The following TRPM3 variants were observed in gnomAD, a reference collection of about 807,000 sequenced individuals.
TRPM3 encodes transient receptor potential cation channel subfamily M member 3, also known as long transient receptor potential channel 3.
A neutral mutation model predicts 181.2 loss-of-function variants in TRPM3; 77 were observed. The ratio of observed to expected loss-of-function variants is 0.42; its 90% CI spans 0.35 to 0.51. The LOEUF (loss-of-function observed/expected upper bound fraction) is 0.51. Ranked by LOEUF, TRPM3 falls within the 20% of genes least tolerant of loss-of-function variation. TRPM3 has a pLI of 0.01. For synonymous variants in TRPM3, 745 were observed against 796.4 expected (o/e 0.94, Z 1.09); for missense variants, 1,759 against 2,196.7 (o/e 0.80, Z 3.98).
intron 9 of TRPM3, among the ~76,000 whole-genome samples, chr9:70,666,395 C>T (rs1302845588): frequency 6.6e-6 from 1 of 152,160 alleles, no homozygotes; most frequent in Non-Finnish European, 1.5e-5. Context: ...TTTCCTCTTT[C>T]ATTTTGGTAG....
chr9:70,558,364 T>C (rs1158510358), intron 22 of TRPM3, among the ~76,000 whole-genome samples: 1 of 152,184 alleles, frequency 6.6e-6, no homozygotes, highest in African/African-American at 2.4e-5. Flanking sequence ...CTAGCCCTTG[T>C]CCACAAGCCA....
chr9:70,668,672 G>GAAAAAAAA (rs57929544), intron 9 of TRPM3, among the ~76,000 whole-genome samples: 315 of 86,534 alleles, frequency 3.6e-3, no homozygotes, highest in South Asian at 4.9e-3. Context: ...CTCAAAAAAA[G>GAAAAAAAA]AAAAAAAAAA....
In TRPM3 at chr9:70,533,567, T is replaced by C. The variant is rs1202647714; in HGVS notation, c.*2386A>G. The stretch of plus-strand genomic sequence containing the variant: ...GGGGCTCATGAACCCTTTCAAGTTA[T>C]ATTGCAACTTTGCATTATGTACATT... On this transcript the variant is annotated 3_prime_UTR_variant, in exon 26 of 26. Coordinates refer to ENST00000677713, the MANE Select transcript of TRPM3 (RefSeq NM_001366145.2). 2.0e-5 allele frequency: 3 copies of C among 152,194 alleles called. No homozygotes were observed. The highest frequency in any genetic ancestry group is 7.2e-5 in the African/African-American group (3 of 41,446). 9.4% of individuals were successfully genotyped at this position (152,194 alleles called of 1,614,324 possible). A position where few individuals can be genotyped will look rare whatever the true frequency, so the allele number is the denominator to read the frequency against.
chr9:70,684,585 T>C (rs1563984607), intron 8 of TRPM3, among the ~76,000 whole-genome samples: 1 of 151,640 alleles, frequency 6.6e-6, no homozygotes, highest in Non-Finnish European at 1.5e-5. Context: ...ATTTTTCATA[T>C]CTGCTTCAGA....
chr9:71,271,326 T>C (rs143434945), intron 1 of TRPM3, among the ~76,000 whole-genome samples: 100 of 152,282 alleles, frequency 6.6e-4, no homozygotes, highest in Admixed American at 1.0e-3. Context: ...CTCTTCTTAC[T>C]GGAATGTAGT....
intron 14 of TRPM3, among the ~76,000 whole-genome samples, chr9:70,621,772 T>C (rs2063675639): frequency 6.6e-6 from 1 of 152,194 alleles, no homozygotes; most frequent in Non-Finnish European, 1.5e-5. Context: ...AACTGATTTA[T>C]AGAAATTCCA....
intron 1 of TRPM3, among the ~76,000 whole-genome samples, chr9:71,354,895 A>G (rs1272372729): frequency 6.6e-6 from 1 of 152,274 alleles, no homozygotes; most frequent in South Asian, 2.1e-4. Context: ...TCAATGAACC[A>G]TAAATGTCCT....
intron 1 of TRPM3, among the ~76,000 whole-genome samples, chr9:71,247,620 A>G (rs1036793005): frequency 6.6e-6 from 1 of 151,268 alleles, no homozygotes; most frequent in Admixed American, 6.6e-5. Context: ...GGAGGAACTC[A>G]GAGATGTCAA....
intron 1 of TRPM3, among the ~76,000 whole-genome samples, chr9:71,439,782 T>C (rs190336430): frequency 7.9e-4 from 121 of 152,316 alleles, no homozygotes; most frequent in African/African-American, 2.8e-3. Context: ...TTCTCTACTA[T>C]TTTTGTATAT....
chr9:71,011,783 T>C (rs1270789423), intron 1 of TRPM3, among the ~76,000 whole-genome samples: 1 of 124,440 alleles, frequency 8.0e-6, no homozygotes, highest in East Asian at 2.2e-4. Flanking sequence ...TTTTTTTTTG[T>C]TTTTTTGTTT....
chr9:70,530,374 C>T lies in TRPM3; in HGVS notation c.*5579G>A, dbSNP rs894007336. The T allele has an allele frequency of 6.6e-6, 1 of 152,258 alleles. No homozygotes were observed. Among genetic ancestry groups the T allele is most frequent in the Non-Finnish European group, 1.5e-5 (1 of 68,092 alleles). 9.4% of individuals were successfully genotyped at this position (152,258 alleles called of 1,614,324 possible). A position where few individuals can be genotyped will look rare whatever the true frequency, so the allele number is the denominator to read the frequency against. The stretch of plus-strand genomic sequence containing the variant: ...CCCTTTGCCCCATAGGCCTCAGCCA[C>T]CTGTCTCCTCCAGAGGAAGGCATGG... On this transcript the variant is annotated 3_prime_UTR_variant, in exon 26 of 26. Transcript: ENST00000677713.
At chr9:71,002,058 T>C (rs368827859) in intron 1 of TRPM3, among the ~76,000 whole-genome samples, 6 of 152,354 alleles carry the variant, frequency 3.9e-5, no homozygotes, top group African/African-American at 1.4e-4. Flanking sequence ...CCTACCTTTC[T>C]AGCCTTGTTT....
rs548627818 is a variant in TRPM3 at position 71,262,705 on chromosome 9, G to A, written c.183+183948C>T. ...TCCTGGTCTGTGGGTTGTGAAGACC[G>A]TGGGAAAAGCGTAGTATCTGGACTG... On this transcript the variant is annotated intron_variant, in intron 1 of 24. Coordinates refer to the TRPM3 transcript ENST00000357533. 2.4e-3 allele frequency among the ~76,000 whole-genome samples: 372 copies of A among 152,336 alleles called. 2 individuals are homozygous for A. The highest frequency in any genetic ancestry group is 0.017 in the Middle Eastern group (5 of 294).
intron 1 of TRPM3, among the ~76,000 whole-genome samples, chr9:71,432,583 G>A (rs957010409): frequency 2.0e-5 from 3 of 151,962 alleles, no homozygotes; most frequent in Admixed American, 6.6e-5. Flanking sequence ...TATCTTTTAA[G>A]GAAAATTTAA....
intron 2 of TRPM3, among the ~76,000 whole-genome samples, chr9:70,863,436 A>G (rs1231454463): frequency 6.6e-6 from 1 of 152,064 alleles, no homozygotes; most frequent in Non-Finnish European, 1.5e-5. Flanking sequence ...GGATTTCTCT[A>G]CTTCTCACTC....
chr9:71,270,760 G>T (rs1227019696), intron 1 of TRPM3, among the ~76,000 whole-genome samples: 1 of 152,180 alleles, frequency 6.6e-6, no homozygotes, highest in Non-Finnish European at 1.5e-5. Flanking sequence ...TGAGATGGTG[G>T]CATGTGACTC....
At chr9:71,196,964 A>C (rs2078414510) in intron 1 of TRPM3, among the ~76,000 whole-genome samples, 1 of 3,726 alleles carries the variant, frequency 2.7e-4, no homozygotes, top group African/African-American at 2.9e-4. Context: ...GGTGTGCTGC[A>C]CCCATTACTC....
rs1328277535 is a variant in TRPM3 at position 70,620,274 on chromosome 9, A to G, written c.1931T>C (p.Phe644Ser). 1 of 1,614,196 alleles carries G rather than the reference A, an allele frequency of 6.2e-7. No homozygotes were observed. The highest frequency in any genetic ancestry group is 8.5e-7 in the Non-Finnish European group (1 of 1,180,040). Residue 644 changes from phenylalanine (F) to serine (S), a missense_variant, in exon 16 of 26, where the codon TTC (phenylalanine) becomes TCC (serine). Physicochemically the swap from Phe to Ser is radical, Grantham distance 155 (BLOSUM62 -2). Coordinates refer to ENST00000677713, the MANE Select transcript of TRPM3 (RefSeq NM_001366145.2). ...IDLDDPEINH[F>S]PFPFHELMVW... The stretch of plus-strand genomic sequence containing the variant: ...CATGAGCTCATGGAAAGGGAAGGGG[A>G]AGTGGTTGATCTCAGGATCATCCAA...
At chr9:70,618,045 A>G (rs979838544) in intron 17 of TRPM3, among the ~76,000 whole-genome samples, 3 of 152,136 alleles carry the variant, frequency 2.0e-5, no homozygotes, top group African/African-American at 4.8e-5. Flanking sequence ...AAAACAAACA[A>G]AAAACTCCCC....
Sources: allele counts gnomAD v4.1 joint callset (sites outside exome capture counted in the v4.1 genomes callset), GRCh38; gene constraint gnomAD v4.1.1; transcripts MANE v1.5; gene names NCBI Gene and HGNC (gene_info 2026-07-23, HGNC 2026-07-21).